The following CTNND2 variants were observed in gnomAD, a reference collection of about 807,000 sequenced individuals.
The protein encoded by CTNND2 is catenin delta-2.
Under a neutral mutation model 144.4 loss-of-function variants are expected in CTNND2, and 22 were observed. The observed-to-expected ratio is 0.15, with a 90% CI of 0.11 to 0.22. The LOEUF (loss-of-function observed/expected upper bound fraction) is 0.22. Ranked by LOEUF, CTNND2 falls within the 10% of genes least tolerant of loss-of-function variation. The pLI, the probability that CTNND2 is intolerant of heterozygous loss-of-function variation, is 1.00. For synonymous variants in CTNND2, 751 were observed against 695.6 expected (o/e 1.08, Z -1.25); for missense variants, 1,353 against 1,618.8 (o/e 0.84, Z 2.82).
At chr5:11,349,104 T>C (rs991308889) in intron 8 of CTNND2, among the ~76,000 whole-genome samples, 2 of 152,154 alleles carry the variant, frequency 1.3e-5, no homozygotes, top group African/African-American at 2.4e-5. Flanking sequence ...TTCAGTGTTA[T>C]TGAAGAGAAA....
In CTNND2 at chr5:10,990,348, G is replaced by C. The variant is rs527661947; in HGVS notation, c.3212-2106C>G. On this transcript the variant is annotated intron_variant, in intron 19 of 21. Coordinates refer to ENST00000304623, the MANE Select transcript of CTNND2 (RefSeq NM_001332.4). ...TTGCTTGGAGAGGGAACCTCTGCAAGAACAACTGAGTCCTTAGCAAGCTCT... is the reference window on the plus strand; with the variant it reads ...TTGCTTGGAGAGGGAACCTCTGCAACAACAACTGAGTCCTTAGCAAGCTCT... 1.2e-4 allele frequency among the ~76,000 whole-genome samples: 19 copies of C among 152,350 alleles called. No individual in the cohort carries two copies. The South Asian group carries it at 2.7e-3, about 22-fold the overall frequency.
intron 17 of CTNND2, among the ~76,000 whole-genome samples, chr5:11,020,138 T>C (rs976009884): frequency 3.9e-5 from 6 of 152,194 alleles, no homozygotes; most frequent in Non-Finnish European, 8.8e-5. Context: ...CCCTTGGTTG[T>C]GTCCGCCAGA....
chr5:11,453,962 A>T (rs996013066), intron 3 of CTNND2, among the ~76,000 whole-genome samples: 7 of 152,146 alleles, frequency 4.6e-5, no homozygotes, highest in African/African-American at 1.7e-4. Context: ...CAGAAATACA[A>T]ATTTATTCTA....
At position 11,607,108 on chromosome 5, in the gene CTNND2, G is replaced by A. The variant is rs114574950; in HGVS notation, c.175-42052C>T. ...CTTCTGTAAGCCAGGGAACACCAAA[G>A]ACTTCCAGCAAACCAGCAGGAGCTA... On this transcript the variant is annotated intron_variant, in intron 2 of 21. Transcript: ENST00000304623. Among the ~76,000 whole-genome samples the A allele has an allele frequency of 8.5e-3, 1,295 of 152,268 alleles. 15 individuals carry two copies. Among genetic ancestry groups the A allele is most frequent in the African/African-American group, 0.029 (1,207 of 41,544 alleles).
rs114810152 is a variant in CTNND2 at position 11,286,729 on chromosome 5, C to T, written c.1629-49906G>A. The stretch of plus-strand genomic sequence containing the variant: ...AGGGTGAAATAGAAACTGTCATAAA[C>T]TGACAGTGGGAGTATAAAATGGGCC... On this transcript the variant is annotated intron_variant, in intron 9 of 21. Coordinates refer to ENST00000304623, the MANE Select transcript of CTNND2 (RefSeq NM_001332.4). 5.2e-3 allele frequency among the ~76,000 whole-genome samples: 789 copies of T among 152,322 alleles called. 10 individuals are homozygous for T. The highest frequency in any genetic ancestry group is 0.018 in the African/African-American group (732 of 41,572).
intron 10 of CTNND2, among the ~76,000 whole-genome samples, chr5:11,209,768 A>G (rs1419361421): frequency 6.6e-6 from 1 of 152,032 alleles, no homozygotes. Context: ...TAAAAATACA[A>G]AAAATTAGCC....
chr5:11,754,600 T>C (rs1050353781), intron 1 of CTNND2, among the ~76,000 whole-genome samples: 22 of 151,862 alleles, frequency 1.4e-4, no homozygotes, highest in Non-Finnish European at 4.4e-5. Flanking sequence ...CATCTCTTTG[T>C]AAGTCTCTAA....
chr5:11,818,106 C>T (rs998788276), intron 1 of CTNND2, among the ~76,000 whole-genome samples: 3 of 142,894 alleles, frequency 2.1e-5, no homozygotes, highest in African/African-American at 5.2e-5. Context: ...CTTACTAATA[C>T]GACAGTGCGG....
At chr5:11,159,902 T>C in intron 11 of CTNND2, 143 bp from the exon 12 acceptor site, 1 of 585,902 alleles carries the variant, frequency 1.7e-6, no homozygotes, top group South Asian at 3.4e-5. Flanking sequence ...TCCTTAATTT[T>C]AGAACATTCG....
chr5:11,416,595 T>C (rs1420437680), intron 3 of CTNND2, among the ~76,000 whole-genome samples: 1 of 152,228 alleles, frequency 6.6e-6, no homozygotes, highest in Non-Finnish European at 1.5e-5. Flanking sequence ...CTAAGGTAGA[T>C]GCTTTTTAAA....
intron 1 of CTNND2, among the ~76,000 whole-genome samples, chr5:11,794,031 T>G (rs930608185): frequency 1.3e-5 from 2 of 152,244 alleles, no homozygotes. Flanking sequence ...TTCTCCACCC[T>G]TGGTGACCAA....
intron 1 of CTNND2, among the ~76,000 whole-genome samples, chr5:11,735,142 A>G (rs1300979160): frequency 6.6e-6 from 1 of 152,236 alleles, no homozygotes; most frequent in Non-Finnish European, 1.5e-5. Flanking sequence ...CCACAGCTAA[A>G]AAGATTAAAG....
chr5:11,426,446 C>A (rs1032004130), intron 3 of CTNND2, among the ~76,000 whole-genome samples: 1 of 152,192 alleles, frequency 6.6e-6, no homozygotes, highest in African/African-American at 2.4e-5. Context: ...AAACTCTGGA[C>A]AACTCTATCT....
chr5:11,861,532 T>A (rs1410582770), intron 1 of CTNND2, among the ~76,000 whole-genome samples: 1 of 152,202 alleles, frequency 6.6e-6, no homozygotes, highest in Admixed American at 6.5e-5. Context: ...TCTCTCGCCA[T>A]CTCTCCTCTG....
At chr5:11,854,815 T>C (rs1275521171) in intron 1 of CTNND2, among the ~76,000 whole-genome samples, 1 of 152,248 alleles carries the variant, frequency 6.6e-6, no homozygotes, top group Non-Finnish European at 1.5e-5. Flanking sequence ...CTCAGTTCTT[T>C]ACCTGTAAAA....
chr5:11,201,585 A>T (rs2149831433), intron 10 of CTNND2, among the ~76,000 whole-genome samples: 1 of 152,330 alleles, frequency 6.6e-6, no homozygotes, highest in Non-Finnish European at 1.5e-5. Flanking sequence ...GAAAAAGTGG[A>T]AATCTTCAGA....
intron 12 of CTNND2, among the ~76,000 whole-genome samples, chr5:11,132,167 C>T (rs920395580): frequency 6.6e-6 from 1 of 152,162 alleles, no homozygotes; most frequent in African/African-American, 2.4e-5. Context: ...GGGAGTCACC[C>T]CAGTATTTCT....
At chr5:11,583,865 A>C (rs1410157347) in intron 2 of CTNND2, among the ~76,000 whole-genome samples, 1 of 152,198 alleles carries the variant, frequency 6.6e-6, no homozygotes, top group Non-Finnish European at 1.5e-5. Flanking sequence ...CAGCATCTAC[A>C]AACTAAAGTC....
At chr5:10,977,847 A>C (rs1736689740) in intron 21 of CTNND2, among the ~76,000 whole-genome samples, 1 of 152,224 alleles carries the variant, frequency 6.6e-6, no homozygotes, top group African/African-American at 2.4e-5. Context: ...TGTTTCTTCT[A>C]GGAGGCTTTA....
Sources: gnomAD v4.1 joint callset for allele counts (sites outside exome capture counted in the v4.1 genomes callset) on GRCh38, gnomAD v4.1.1 for gene constraint, MANE v1.5 for transcripts, NCBI Gene and HGNC (gene_info 2026-07-23, HGNC 2026-07-21) for gene names.